The following ATIC variants were observed in gnomAD, a reference collection of about 807,000 sequenced individuals.
ATIC encodes the protein bifunctional purine biosynthesis protein ATIC.
Under a neutral mutation model 72.5 loss-of-function variants are expected in ATIC, and 64 were observed. That is an observed-to-expected ratio of 0.88 (90% confidence interval 0.72 to 1.09). ATIC has a LOEUF of 1.09. Ranked by LOEUF, ATIC falls within the 50% of genes least tolerant of loss-of-function variation. The pLI is 0.00. For missense variants in ATIC, 787 were observed against 732.4 expected (o/e 1.07, Z -0.86); for synonymous variants, 281 against 267.1 (o/e 1.05, Z -0.51).
intron 14 of ATIC, 40 bp from the exon 15 acceptor site, chr2:215,349,054 A>G (rs772359626): frequency 1.2e-6 from 2 of 1,611,810 alleles, no homozygotes; most frequent in African/African-American, 2.7e-5. Flanking sequence ...ACTAAAGACG[A>G]TGTCAGACCA....
At chr2:215,329,322 C>T (rs2052864566) in intron 7 of ATIC, among the ~76,000 whole-genome samples, 1 of 152,146 alleles carries the variant, frequency 6.6e-6, no homozygotes, top group African/African-American at 2.4e-5. Context: ...ATATAAAAGC[C>T]TTCATTGTTC....
At chr2:215,339,725 C>T (rs2052997937) in intron 12 of ATIC, among the ~76,000 whole-genome samples, 1 of 146,728 alleles carries the variant, frequency 6.8e-6, no homozygotes, top group Admixed American at 6.8e-5. Context: ...AGCTCCGCCT[C>T]CCGGGTTCAC....
intron 4 of ATIC, among the ~76,000 whole-genome samples, chr2:215,323,439 A>C (rs1016129386): frequency 1.3e-5 from 2 of 152,202 alleles, no homozygotes; most frequent in African/African-American, 4.8e-5. Flanking sequence ...GTCTGTGAAC[A>C]TGGGGTGTCT....
chr2:215,326,369 C>G (rs1441347999), intron 6 of ATIC, among the ~76,000 whole-genome samples: 1 of 152,146 alleles, frequency 6.6e-6, no homozygotes, highest in Non-Finnish European at 1.5e-5. Flanking sequence ...CTTTGGGAGG[C>G]CGAGGCGGGC....
rs776314808 is a variant in ATIC, at chr2:215,326,800, ACAAAACTT to A, written c.532-21_532-14del. On this transcript the variant is annotated splice_polypyrimidine_tract_variant and intron_variant, in intron 6 of 15. Transcript: ENST00000236959. ...CTTTGGAAAGTGCTGCTCGTGTCTC[ACAAAACTT>A]ACGCTTTTTGTAGGCATTCACTCAT... 6.2e-7 allele frequency: 1 copy of A among 1,613,700 alleles called. No homozygotes were observed. Among genetic ancestry groups the A allele is most frequent in the Non-Finnish European group, 8.5e-7 (1 of 1,179,978 alleles).
chr2:215,352,355 G>A (rs2053136681), downstream of ATIC, among the ~76,000 whole-genome samples: 1 of 152,156 alleles, frequency 6.6e-6, no homozygotes, highest in Non-Finnish European at 1.5e-5. Flanking sequence ...GCCGAGGTGG[G>A]TGGATCACCT....
rs1330756238 is a variant in ATIC, at chr2:215,349,694, G to C, written c.*39G>C. 3 of 1,613,970 alleles carry C rather than the reference G, an allele frequency of 1.9e-6. No homozygotes were observed. Among genetic ancestry groups the C allele is most frequent in the Non-Finnish European group, 2.5e-6 (3 of 1,179,952 alleles). ...TGTTTTTTGGCTTGCTTATGTGTAG[G>C]TGAACAGTCACGCCTGAAACTTTGA... On this transcript the variant is annotated 3_prime_UTR_variant, in exon 16 of 16. Transcript: ENST00000236959.
At chr2:215,320,014 G>C (rs1429120763) in intron 4 of ATIC, among the ~76,000 whole-genome samples, 1 of 152,144 alleles carries the variant, frequency 6.6e-6, no homozygotes, top group African/African-American at 2.4e-5. Context: ...GATTTCTTCA[G>C]ATTTTGGAAT....
At chr2:215,351,321 G>A (rs897556275), downstream of ATIC, among the ~76,000 whole-genome samples, 1 of 152,206 alleles carries the variant, frequency 6.6e-6, no homozygotes, top group Non-Finnish European at 1.5e-5. Context: ...CACAGATACA[G>A]AGAGATGCAT....
chr2:215,312,379 C>T lies in ATIC; in HGVS notation c.20-119C>T. 1.9e-6 allele frequency: 3 copies of T among 1,570,040 alleles called. No homozygotes were observed. The Admixed American group carries it at 5.0e-5, about 26-fold the overall frequency. ...GGGAGGCCCGGACCAGGCCTGCGAACGCAGGGTCCAGGTGCTGGCCTTGCG... is the reference window on the plus strand; with the variant it reads ...GGGAGGCCCGGACCAGGCCTGCGAATGCAGGGTCCAGGTGCTGGCCTTGCG... On this transcript the variant is annotated intron_variant, in intron 1 of 15. Transcript: ENST00000236959.
At chr2:215,327,439 G>T (rs1255089359) in intron 7 of ATIC, among the ~76,000 whole-genome samples, 1 of 152,198 alleles carries the variant, frequency 6.6e-6, no homozygotes, top group African/African-American at 2.4e-5. Context: ...GGATCTAGAA[G>T]CCCAATTGAA....
At position 215,330,824 on chromosome 2, in the gene ATIC, A is replaced by G. The variant is rs552296173; in HGVS notation, c.689-1558A>G. Among the ~76,000 whole-genome samples the G allele has an allele frequency of 3.6e-4, 54 of 151,802 alleles. 1 individual carries two copies. In the South Asian group the frequency reaches 0.01, roughly 29 times the overall value. On this transcript the variant is annotated intron_variant, in intron 7 of 15. Transcript: ENST00000236959. ...CTCTCAAGTAGCTGGGATTACAGGC[A>G]TGCACCACCATGCCCAGCTGTTTTT...
At chr2:215,354,987 A>G in the ATIC span, among the ~76,000 whole-genome samples, 2 of 151,978 alleles carry the variant, frequency 1.3e-5, no homozygotes, top group Non-Finnish European at 2.9e-5. Context: ...AAGAGCAACC[A>G]TTCTTCACTC....
Position 215,312,607 on chromosome 2 carries a change from T to TG in ATIC, c.130dup (p.Ala44GlyfsTer10), listed in dbSNP as rs745351197. On this transcript the variant is annotated frameshift_variant, in exon 2 of 16. Transcript: ENST00000236959. LOFTEE classifies it high-confidence loss of function. ...GAGGGACTGCAAAAGCTCTCAGGGATGCTGGTCTGGCAGTCAGGTAAGGCA... is the reference window on the plus strand; with the variant it reads ...GAGGGACTGCAAAAGCTCTCAGGGATGGCTGGTCTGGCAGTCAGGTAAGGCA... The TG allele has an allele frequency of 2.2e-4, 349 of 1,614,070 alleles. No individual in the cohort carries two copies. The highest frequency in any genetic ancestry group is 2.8e-4 in the Non-Finnish European group (325 of 1,180,032).
At chr2:215,361,861 G>T in the ATIC span, 186 of 1,132,620 alleles carry the variant, frequency 1.6e-4, no homozygotes, top group Non-Finnish European at 1.9e-4. Flanking sequence ...TTTATGAGTT[G>T]TTTTTTTTTT....
the ATIC span, chr2:215,368,163 G>T: frequency 2.1e-6 from 2 of 952,290 alleles, no homozygotes; most frequent in Non-Finnish European, 3.3e-6. Context: ...GCATTCATCT[G>T]TTCTATCAAG....
At position 215,312,073 on chromosome 2, in the gene ATIC, GCCCTCCTACCTGCGCACGTGGT is replaced by G. The variant is rs999310513; in HGVS notation, c.-69_-48del. 6.5e-6 allele frequency: 10 copies of G among 1,527,118 alleles called. No homozygotes were observed. The Admixed American group carries it at 2.0e-4, about 30-fold the overall frequency. 94.6% of individuals were successfully genotyped at this position (1,527,118 alleles called of 1,614,324 possible). On this transcript the variant is annotated 5_prime_UTR_variant, in exon 1 of 16. Transcript: ENST00000236959. The stretch of plus-strand genomic sequence containing the variant: ...CTTCCTGAGCCGCCACATCCCGGCA[GCCCTCCTACCTGCGCACGTGGT>G]GCCGCCGCTGCTGCCTCCCGCTCGC...
intron 4 of ATIC, among the ~76,000 whole-genome samples, chr2:215,323,166 C>T (rs1451185965): frequency 6.6e-6 from 1 of 152,128 alleles, no homozygotes; most frequent in Admixed American, 6.5e-5. Context: ...AGGATGGTCT[C>T]GATCTCCTGA....
intron 4 of ATIC, 30 bp downstream of exon 4, chr2:215,319,761 A>G: frequency 1.3e-6 from 2 of 1,540,328 alleles, no homozygotes; most frequent in South Asian, 1.1e-5. Context: ...CTTTTAACAC[A>G]TTACGAACCA....
Sources: allele counts gnomAD v4.1 joint callset (sites outside exome capture counted in the v4.1 genomes callset), GRCh38; gene constraint gnomAD v4.1.1; transcripts MANE v1.5; gene names NCBI Gene and HGNC (gene_info 2026-07-23, HGNC 2026-07-21).